TSEN2: variants seen among roughly 807,000 people sequenced by gnomAD.
TSEN2 encodes the protein tRNA splicing endonuclease subunit 2.
Under a neutral mutation model 59.2 loss-of-function variants are expected in TSEN2, and 54 were observed. The observed-to-expected ratio is 0.91, with a 90% CI of 0.73 to 1.14. TSEN2 has a LOEUF of 1.14. Among genes scored for constraint, TSEN2 ranks in the 50% most tolerant of loss-of-function variants. The pLI is 0.00. For missense variants in TSEN2, 636 were observed against 576.2 expected, an observed-to-expected ratio of 1.10 and a Z score of -1.06; for synonymous variants, 195 against 198.2, an observed-to-expected ratio of 0.98 and a Z score of 0.14.
chr3:12,530,304 C>G, intron 10 of TSEN2: 4 of 991,684 alleles, frequency 4.0e-6, no homozygotes, highest in Non-Finnish European at 4.8e-6. Context: ...TTGCTAAGCA[C>G]TTTCCCACCC....
intron 5 of TSEN2, among the ~76,000 whole-genome samples, chr3:12,504,562 G>A (rs1454656697): frequency 1.3e-5 from 2 of 151,900 alleles, no homozygotes; most frequent in Non-Finnish European, 2.9e-5. Flanking sequence ...CAAAAACATA[G>A]GCACATGCTT....
At chr3:12,505,591 C>G (rs2125062500) in intron 6 of TSEN2, 2 of 245,648 alleles carry the variant, frequency 8.1e-6, no homozygotes, top group African/African-American at 2.2e-5. Flanking sequence ...GAGTTCGAGA[C>G]CAGCCTGGCC....
chr3:12,501,098 CT>C (rs1282858963), intron 4 of TSEN2, among the ~76,000 whole-genome samples: 1 of 152,188 alleles, frequency 6.6e-6, no homozygotes, highest in East Asian at 1.9e-4. Flanking sequence ...AGCTAAGATT[CT>C]TTTTAGACCC....
downstream of TSEN2, among the ~76,000 whole-genome samples, chr3:12,536,544 G>T (rs1475931245): frequency 6.6e-6 from 1 of 152,196 alleles, no homozygotes; most frequent in African/African-American, 2.4e-5. Flanking sequence ...GTTGCTGCCA[G>T]TGCTTCAGTT....
At chr3:12,520,532 G>T (rs999674550) in intron 8 of TSEN2, among the ~76,000 whole-genome samples, 1 of 152,098 alleles carries the variant, frequency 6.6e-6, no homozygotes, top group Non-Finnish European at 1.5e-5. Context: ...GCTCACGCCT[G>T]TAATCCCAGC....
chr3:12,507,411 G>A (rs957887468), intron 6 of TSEN2, among the ~76,000 whole-genome samples: 15 of 152,064 alleles, frequency 9.9e-5, no homozygotes, highest in African/African-American at 3.6e-4. Context: ...GTAAAGTGGG[G>A]GCTATGTAAC....
chr3:12,499,413 A>G lies in TSEN2; in HGVS notation c.308+2859A>G, dbSNP rs561862762. On this transcript the variant is annotated intron_variant, in intron 4 of 11. Transcript: ENST00000284995. ...GGATTTACAGTCTAGTGAGAGAGGA[A>G]GAGAAGTGAACAGTTGTGCTGTCCT... Among the ~76,000 whole-genome samples, 4 of 152,336 alleles carry G rather than the reference A, an allele frequency of 2.6e-5. No individual in the cohort carries two copies. In the East Asian group the frequency reaches 7.7e-4, roughly 29 times the overall value.
At chr3:12,538,069 T>C (rs909691644), downstream of TSEN2, among the ~76,000 whole-genome samples, 1 of 152,196 alleles carries the variant, frequency 6.6e-6, no homozygotes, top group Non-Finnish European at 1.5e-5. Flanking sequence ...GGCAGTTTTG[T>C]GTTTGAAGGA....
chr3:12,522,520 G>T (rs1456775248), intron 8 of TSEN2, among the ~76,000 whole-genome samples: 1 of 152,194 alleles, frequency 6.6e-6, no homozygotes, highest in African/African-American at 2.4e-5. Flanking sequence ...ATGAGGAGCG[G>T]CTTCCTAAAC....
chr3:12,532,660 A>C lies in TSEN2; in HGVS notation c.1339-2A>C. 1 of 1,613,988 alleles carries C rather than the reference A, an allele frequency of 6.2e-7. No homozygotes were observed. On this transcript the variant is annotated splice_acceptor_variant, in intron 11 of 11. Transcript: ENST00000284995. LOFTEE classifies it high-confidence loss of function. ...AATGGTCTTTTTTTTTATTGGTTGT[A>C]GGAGGTGATTCTGAGTCGATGGGTT... is the stretch of plus-strand genomic sequence containing the variant.
chr3:12,531,810 C>A, intron 11 of TSEN2, 151 bp downstream of exon 11: 1 of 656,338 alleles, frequency 1.5e-6, no homozygotes, highest in Non-Finnish European at 2.7e-6. Flanking sequence ...CACCTTTTCC[C>A]CATTGAACCC....
intron 7 of TSEN2, among the ~76,000 whole-genome samples, chr3:12,517,501 T>C (rs1033020467): frequency 2.0e-5 from 3 of 152,174 alleles, no homozygotes; most frequent in African/African-American, 7.2e-5. Flanking sequence ...CTTTGTGCTG[T>C]TGTTGCCTGC....
intron 6 of TSEN2, among the ~76,000 whole-genome samples, 154 bp from the exon 7 acceptor site, chr3:12,516,457 T>C (rs2056127053): frequency 7.7e-6 from 1 of 129,360 alleles, no homozygotes; most frequent in African/African-American, 2.6e-5. Flanking sequence ...TGTGTGTGTG[T>C]GTGTGTGTGT....
chr3:12,494,521 T>C (rs1033529997), intron 3 of TSEN2, among the ~76,000 whole-genome samples: 3 of 152,002 alleles, frequency 2.0e-5, no homozygotes, highest in African/African-American at 7.2e-5. Flanking sequence ...CTCAGCCTCC[T>C]GGGTGAGTAG....
intron 7 of TSEN2, 96 bp from the exon 8 acceptor site, chr3:12,518,963 T>C (rs2125161008): frequency 3.2e-6 from 4 of 1,254,396 alleles, no homozygotes; most frequent in Non-Finnish European, 4.6e-6. Context: ...CTTCACTGCT[T>C]CAGCTCCACA....
intron 6 of TSEN2, among the ~76,000 whole-genome samples, chr3:12,509,192 G>GTT (rs201280063): frequency 2.2e-5 from 3 of 136,470 alleles, no homozygotes; most frequent in East Asian, 4.0e-4. Flanking sequence ...GTTTTTTTTG[G>GTT]TTTTTTTTGT....
In TSEN2 at chr3:12,489,918, T is replaced by C; in HGVS notation, c.118T>C (p.Phe40Leu). The stretch of plus-strand genomic sequence containing the variant: ...TGGTCCTCTGAAAGAATTCAAGATA[T>C]TCCGTGCTGAAATGATTAACAACAA... ...DHGPLKEFKI[F>L]RAEMINNNVI... The change falls in exon 2 of 12, where the codon TTC becomes CTC. Residue 40 changes from phenylalanine (F) to leucine (L), a missense_variant. Transcript: ENST00000284995. The C allele has an allele frequency of 6.2e-7, 1 of 1,614,188 alleles. No homozygotes were observed. The highest frequency in any genetic ancestry group is 8.5e-7 in the Non-Finnish European group (1 of 1,180,024).
Position 12,503,513 on chromosome 3 carries a change from G to T in TSEN2, c.560G>T (p.Arg187Leu), listed in dbSNP as rs146117200. The change falls in exon 5 of 12, where the codon CGT (arginine) becomes CTT (leucine). Residue 187 changes from arginine to leucine, a missense_variant. Physicochemically the swap from Arg to Leu is moderately radical, Grantham distance 102. Transcript: ENST00000284995. ...AAGTCAGGTGGTGTGGGTGATCCCCGTGAGCCATTAGGCTGCCTGCAGGAG... is the reference window on the plus strand; with the variant it reads ...AAGTCAGGTGGTGTGGGTGATCCCCTTGAGCCATTAGGCTGCCTGCAGGAG... ...SGKSGGVGDP[R>L]EPLGCLQEGS... 2 of 1,613,938 alleles carry T rather than the reference G, an allele frequency of 1.2e-6. No individual in the cohort carries two copies. The highest frequency in any genetic ancestry group is 2.2e-5 in the East Asian group (1 of 44,890).
intron 7 of TSEN2, among the ~76,000 whole-genome samples, chr3:12,518,448 G>A (rs980192501): frequency 2.0e-5 from 3 of 151,974 alleles, no homozygotes; most frequent in Admixed American, 6.6e-5. Flanking sequence ...GTCCTTCCCA[G>A]CCCACCACCA....
Sources: allele counts gnomAD v4.1 joint callset (sites outside exome capture counted in the v4.1 genomes callset), GRCh38; gene constraint gnomAD v4.1.1; transcripts MANE v1.5; gene names NCBI Gene and HGNC (gene_info 2026-07-23, HGNC 2026-07-21).